Variants in SEC24B observed in about 807,000 individuals in gnomAD.
SEC24B encodes the protein protein transport protein Sec24B.
A neutral mutation model predicts 142.8 loss-of-function variants in SEC24B; 45 were observed. That is an observed-to-expected ratio of 0.32 (90% CI 0.25 to 0.40). The LOEUF is 0.40. Among genes scored for constraint, SEC24B ranks in the 10% least tolerant of loss-of-function variants. The pLI is 1.00. For missense variants in SEC24B, 1,409 were observed against 1,526.8 expected, an observed-to-expected ratio of 0.92 and a Z score of 1.29; for synonymous variants, 574 against 568.2, an observed-to-expected ratio of 1.01 and a Z score of -0.15.
Position 109,536,588 on chromosome 4 carries a change from G to A in SEC24B, c.3589-1905G>A, listed in dbSNP as rs576186381. Among the ~76,000 whole-genome samples, 87 of 152,270 alleles carry A rather than the reference G, an allele frequency of 5.7e-4. No homozygotes were observed. In the Middle Eastern group the frequency reaches 0.01, roughly 18 times the overall value. ...TCTGTCACCCAGGCTGGAGTGCAGTGGCGCAATCTTGGCTCACTGCAAGCT... is the reference window on the plus strand; with the variant it reads ...TCTGTCACCCAGGCTGGAGTGCAGTAGCGCAATCTTGGCTCACTGCAAGCT... On this transcript the variant is annotated intron_variant, in intron 22 of 23. Coordinates refer to ENST00000265175, the MANE Select transcript of SEC24B (RefSeq NM_006323.5).
intron 14 of SEC24B, among the ~76,000 whole-genome samples, chr4:109,523,084 C>T (rs1723828323): frequency 2.0e-5 from 3 of 151,970 alleles, no homozygotes; most frequent in Non-Finnish European, 2.9e-5. Context: ...CTGCCTGTTA[C>T]CTTAGCTACT....
At position 109,500,746 on chromosome 4, in the gene SEC24B, C is replaced by T. The variant is rs186297367; in HGVS notation, c.1489-5582C>T. Among the ~76,000 whole-genome samples the T allele has an allele frequency of 3.9e-3, 593 of 152,098 alleles. 1 individual carries two copies. Among genetic ancestry groups the T allele is most frequent in the Non-Finnish European group, 6.8e-3 (462 of 67,984 alleles). The stretch of plus-strand genomic sequence containing the variant: ...GGCTCTCACTGCAACCTCCACCTCC[C>T]GGGCTCAAGCAATTCTCTTGCCTCA... On this transcript the variant is annotated intron_variant, in intron 6 of 23. Coordinates refer to ENST00000265175, the MANE Select transcript of SEC24B (RefSeq NM_006323.5).
At chr4:109,441,621 G>A (rs1283248816) in intron 1 of SEC24B, among the ~76,000 whole-genome samples, 1 of 152,082 alleles carries the variant, frequency 6.6e-6, no homozygotes, top group African/African-American at 2.4e-5. Context: ...TTGTAGAGAT[G>A]GGGTTTCACC....
intron 1 of SEC24B, among the ~76,000 whole-genome samples, chr4:109,462,305 AC>A (rs1561084718): frequency 1.3e-5 from 2 of 152,196 alleles, no homozygotes; most frequent in Non-Finnish European, 2.9e-5. Context: ...TAAAACAACA[AC>A]TATTTATTTC....
At chr4:109,502,498 A>G (rs1350954716) in intron 6 of SEC24B, among the ~76,000 whole-genome samples, 2 of 152,228 alleles carry the variant, frequency 1.3e-5, no homozygotes, top group African/African-American at 4.8e-5. Flanking sequence ...TGGAGGTTGT[A>G]AAAAGTGAAT....
At chr4:109,476,410 C>T (rs1336893796) in intron 3 of SEC24B, among the ~76,000 whole-genome samples, 1 of 152,152 alleles carries the variant, frequency 6.6e-6, no homozygotes, top group African/African-American at 2.4e-5. Context: ...AATGGGCTGT[C>T]TCCTCTCCCC....
At chr4:109,500,007 A>G (rs567229722) in intron 6 of SEC24B, among the ~76,000 whole-genome samples, 1 of 152,298 alleles carries the variant, frequency 6.6e-6, no homozygotes, top group South Asian at 2.1e-4. Flanking sequence ...AGATGTGGAG[A>G]TGGAAGACAG....
At chr4:109,474,937 T>C (rs1358484460) in intron 3 of SEC24B, among the ~76,000 whole-genome samples, 2 of 152,260 alleles carry the variant, frequency 1.3e-5, no homozygotes, top group Non-Finnish European at 2.9e-5. Context: ...CACATATTAA[T>C]CTTATGACAT....
intron 20 of SEC24B, among the ~76,000 whole-genome samples, 160 bp downstream of exon 20, chr4:109,531,682 G>A (rs1168661933): frequency 1.3e-5 from 2 of 152,156 alleles, no homozygotes; most frequent in Non-Finnish European, 2.9e-5. Context: ...CTGTGGATCT[G>A]ATTGGATGGC....
intron 22 of SEC24B, among the ~76,000 whole-genome samples, chr4:109,537,349 T>C (rs1323093683): frequency 6.6e-6 from 1 of 152,244 alleles, no homozygotes; most frequent in Non-Finnish European, 1.5e-5. Context: ...ACAATGTCTG[T>C]GAAAATCATG....
At chr4:109,435,970 G>A (rs1728376409) in intron 1 of SEC24B, among the ~76,000 whole-genome samples, 1 of 152,210 alleles carries the variant, frequency 6.6e-6, no homozygotes, top group Non-Finnish European at 1.5e-5. Context: ...TGCTTGGAAA[G>A]TGGAAGGAGT....
At chr4:109,531,213 A>G (rs914696332) in intron 19 of SEC24B, among the ~76,000 whole-genome samples, 172 bp from the exon 20 acceptor site, 1 of 152,228 alleles carries the variant, frequency 6.6e-6, no homozygotes, top group Admixed American at 6.5e-5. Flanking sequence ...CAGAGGAGCT[A>G]GGTAACTTGC....
At chr4:109,526,131 C>A in intron 16 of SEC24B, 95 bp from the exon 17 acceptor site, 1 of 1,223,914 alleles carries the variant, frequency 8.2e-7, no homozygotes, top group Non-Finnish European at 1.2e-6. Flanking sequence ...CCTTTTGATT[C>A]AAAATCATAA....
At chr4:109,473,249 G>A in intron 3 of SEC24B, 63 bp downstream of exon 3, 3 of 1,163,596 alleles carry the variant, frequency 2.6e-6, no homozygotes, top group African/African-American at 1.6e-5. Flanking sequence ...TAGAAGATAT[G>A]AAAAAAAGTT....
chr4:109,473,200 T>A lies in SEC24B; in HGVS notation c.1060+14T>A. 6.5e-7 allele frequency: 1 copy of A among 1,531,918 alleles called. No homozygotes were observed. The highest frequency in any genetic ancestry group is 8.8e-7 in the Non-Finnish European group (1 of 1,135,328). The allele number at this position is 1,531,918 out of a possible 1,614,324, so 94.9% of individuals were successfully genotyped here. A position where few individuals can be genotyped will look rare whatever the true frequency, so the allele number is the denominator to read the frequency against. On this transcript the variant is annotated intron_variant, in intron 3 of 23. Coordinates refer to ENST00000265175, the MANE Select transcript of SEC24B (RefSeq NM_006323.5). ...TACAACAAAAAGGTATTTGAGATAT[T>A]TATTATTGTATATGCACACAGACAC...
intron 18 of SEC24B, 45 bp downstream of exon 18, chr4:109,527,477 T>G: frequency 7.0e-7 from 1 of 1,422,296 alleles, no homozygotes; most frequent in Non-Finnish European, 9.9e-7. Flanking sequence ...TTTTCTATCT[T>G]AAAAACTGAA....
chr4:109,477,999 C>T (rs568824046), intron 3 of SEC24B, among the ~76,000 whole-genome samples: 1 of 152,082 alleles, frequency 6.6e-6, no homozygotes, highest in South Asian at 2.1e-4. Flanking sequence ...AAAATAATTA[C>T]AACTGGGCAT....
intron 10 of SEC24B, among the ~76,000 whole-genome samples, chr4:109,515,987 G>T (rs1004981264): frequency 2.0e-5 from 3 of 151,934 alleles, no homozygotes; most frequent in African/African-American, 7.3e-5. Context: ...GGCAGAGATT[G>T]CAGTGAGCCA....
chr4:109,472,321 C>G (rs1009725747), intron 2 of SEC24B, among the ~76,000 whole-genome samples: 3 of 152,156 alleles, frequency 2.0e-5, no homozygotes, highest in Non-Finnish European at 4.4e-5. Flanking sequence ...CAATAACTTA[C>G]CCAGTATTTC....
Sources: allele counts gnomAD v4.1 joint callset (sites outside exome capture counted in the v4.1 genomes callset), GRCh38; gene constraint gnomAD v4.1.1; transcripts MANE v1.5; gene names NCBI Gene and HGNC (gene_info 2026-07-23, HGNC 2026-07-21).